Variants in CNTN5 observed in about 807,000 individuals in gnomAD.
The protein encoded by CNTN5 is contactin-5.
A neutral mutation model predicts 129.1 loss-of-function variants in CNTN5; 77 were observed. The observed-to-expected ratio is 0.60, with a 90% confidence interval of 0.50 to 0.72. The LOEUF (loss-of-function observed/expected upper bound fraction) is 0.72, where lower values mean the gene tolerates loss of function less well. Among genes scored for constraint, CNTN5 ranks in the 30% least tolerant of loss-of-function variants. The pLI, the probability that CNTN5 is intolerant of heterozygous loss-of-function variation, is 0.00. For synonymous variants in CNTN5, 509 were observed against 465.6 expected (o/e 1.09, Z -1.20); for missense variants, 1,478 against 1,328.8 (o/e 1.11, Z -1.75).
At chr11:99,769,140 T>C (rs187324499) in intron 3 of CNTN5, among the ~76,000 whole-genome samples, 2 of 152,288 alleles carry the variant, frequency 1.3e-5, no homozygotes, top group East Asian at 3.9e-4. Context: ...GATACTTAAA[T>C]TATATAAACT....
At chr11:100,297,349 A>T (rs368806932) in intron 18 of CNTN5, among the ~76,000 whole-genome samples, 1 of 151,456 alleles carries the variant, frequency 6.6e-6, no homozygotes, top group Admixed American at 6.6e-5. Flanking sequence ...CCTAATCATT[A>T]TTAGATGTTC....
At chr11:99,955,316 A>G (rs1950772364) in intron 7 of CNTN5, among the ~76,000 whole-genome samples, 1 of 151,894 alleles carries the variant, frequency 6.6e-6, no homozygotes, top group East Asian at 1.9e-4. Context: ...AAGTATTTCA[A>G]TTATACTTTA....
chr11:99,927,801 C>G (rs1340229834), intron 7 of CNTN5, among the ~76,000 whole-genome samples: 1 of 152,156 alleles, frequency 6.6e-6, no homozygotes, highest in Non-Finnish European at 1.5e-5. Flanking sequence ...CCTCTCAAAT[C>G]TCATGTCCTC....
At chr11:99,807,969 C>T (rs111244527) in intron 3 of CNTN5, among the ~76,000 whole-genome samples, 175 of 152,160 alleles carry the variant, frequency 1.2e-3, no homozygotes, top group Middle Eastern at 3.4e-3. Context: ...GTAACTTATT[C>T]CCTAAGGGAA....
At chr11:99,984,405 G>T (rs541954164) in intron 8 of CNTN5, among the ~76,000 whole-genome samples, 4 of 152,104 alleles carry the variant, frequency 2.6e-5, no homozygotes, top group African/African-American at 9.7e-5. Flanking sequence ...AAAAGAAAGA[G>T]AAACCACGAT....
chr11:99,234,516 A>G (rs895422906), intron 1 of CNTN5, among the ~76,000 whole-genome samples: 2 of 150,984 alleles, frequency 1.3e-5, no homozygotes, highest in African/African-American at 4.9e-5. Flanking sequence ...CCATAATCTG[A>G]TATGTATACC....
chr11:99,512,039 A>G (rs1311963969), intron 2 of CNTN5, among the ~76,000 whole-genome samples: 1 of 152,164 alleles, frequency 6.6e-6, no homozygotes, highest in African/African-American at 2.4e-5. Context: ...AATTTAGTGT[A>G]GCCTAAATGC....
chr11:99,484,823 T>G (rs1432722421), intron 2 of CNTN5, among the ~76,000 whole-genome samples: 2 of 152,110 alleles, frequency 1.3e-5, no homozygotes, highest in Non-Finnish European at 2.9e-5. Flanking sequence ...CATTCATATG[T>G]GGAAGCAAAA....
chr11:99,927,633 T>G (rs1389811440), intron 7 of CNTN5, among the ~76,000 whole-genome samples: 3 of 152,092 alleles, frequency 2.0e-5, no homozygotes, highest in Admixed American at 6.6e-5. Flanking sequence ...TCTGGAGAAC[T>G]TGCTCACTGT....
Position 99,483,969 on chromosome 11 carries a change from C to T in CNTN5, c.-70-72176C>T, listed in dbSNP as rs1225002424. Among the ~76,000 whole-genome samples the T allele has an allele frequency of 2.6e-5, 4 of 152,032 alleles. No individual in the cohort carries two copies. The South Asian group carries it at 6.2e-4, about 24-fold the overall frequency. Reference sequence around the variant, plus strand: ...TGTAAAACTAGTAGAAGAAAACACACGTGAAATGCTTTAGGACATTAGTCT... The same window carrying T: ...TGTAAAACTAGTAGAAGAAAACACATGTGAAATGCTTTAGGACATTAGTCT... On this transcript the variant is annotated intron_variant, in intron 2 of 24. Coordinates refer to ENST00000524871, the MANE Select transcript of CNTN5 (RefSeq NM_014361.4).
At chr11:99,644,606 G>C (rs937052111) in intron 3 of CNTN5, among the ~76,000 whole-genome samples, 1 of 151,980 alleles carries the variant, frequency 6.6e-6, no homozygotes, top group South Asian at 2.1e-4. Flanking sequence ...AAATATAAGC[G>C]CAAGAAATCA....
chr11:100,035,231 G>A (rs985784808), intron 9 of CNTN5, among the ~76,000 whole-genome samples: 4 of 151,250 alleles, frequency 2.6e-5, no homozygotes, highest in Non-Finnish European at 5.9e-5. Flanking sequence ...TTGGGTTTTT[G>A]TCCTTGTGAT....
At chr11:99,753,299 T>C (rs1944297232) in intron 3 of CNTN5, among the ~76,000 whole-genome samples, 2 of 151,250 alleles carry the variant, frequency 1.3e-5, no homozygotes, top group Admixed American at 6.6e-5. Context: ...ATTTTTTGTA[T>C]TTTTAGTAGA....
chr11:100,045,365 A>G (rs1388632254), intron 9 of CNTN5, among the ~76,000 whole-genome samples: 2 of 152,144 alleles, frequency 1.3e-5, no homozygotes, highest in Admixed American at 6.6e-5. Flanking sequence ...TTAGGGGCCA[A>G]CTATAATTAC....
intron 4 of CNTN5, among the ~76,000 whole-genome samples, chr11:99,822,515 G>A (rs1946833318): frequency 6.6e-6 from 1 of 152,090 alleles, no homozygotes; most frequent in Non-Finnish European, 1.5e-5. Flanking sequence ...TAAAACAATG[G>A]AAAAATATAT....
chr11:99,638,150 G>A (rs1267208517), intron 3 of CNTN5, among the ~76,000 whole-genome samples: 1 of 152,168 alleles, frequency 6.6e-6, no homozygotes, highest in Non-Finnish European at 1.5e-5. Context: ...GGCGGGAGGT[G>A]AAAGGTTCTT....
intron 3 of CNTN5, among the ~76,000 whole-genome samples, chr11:99,772,720 G>C (rs1477948449): frequency 6.6e-6 from 1 of 152,024 alleles, no homozygotes; most frequent in African/African-American, 2.4e-5. Context: ...CTCTGAAGTT[G>C]AACAGGGAGT....
chr11:99,981,234 C>T (rs748548353), intron 8 of CNTN5, among the ~76,000 whole-genome samples: 1 of 151,778 alleles, frequency 6.6e-6, no homozygotes, highest in Non-Finnish European at 1.5e-5. Context: ...GTGGCTCGAT[C>T]CAAGTCCAAA....
intron 1 of CNTN5, among the ~76,000 whole-genome samples, chr11:99,201,214 TG>T (rs1334759215): frequency 1.3e-5 from 2 of 151,406 alleles, no homozygotes; most frequent in African/African-American, 4.9e-5. Flanking sequence ...TTAGTAGAGA[TG>T]GGGTTTCACC....
Sources: allele counts gnomAD v4.1 joint callset (sites outside exome capture counted in the v4.1 genomes callset), GRCh38; gene constraint gnomAD v4.1.1; transcripts MANE v1.5; gene names NCBI Gene and HGNC (gene_info 2026-07-23, HGNC 2026-07-21).